MBD5: variants seen among roughly 807,000 people sequenced by gnomAD.
MBD5 encodes methyl-CpG-binding domain protein 5.
MBD5 carries 13 observed loss-of-function variants against 117.3 expected under a neutral mutation model. That is an observed-to-expected ratio of 0.11 (90% CI 0.07 to 0.18). MBD5 has a LOEUF of 0.18. MBD5 is among the 10% of genes least tolerant of loss of function. MBD5 has a pLI of 1.00. For synonymous variants in MBD5, 727 were observed against 766.4 expected, an observed-to-expected ratio of 0.95 and a Z score of 0.85; for missense variants, 1,879 against 2,093.8, an observed-to-expected ratio of 0.90 and a Z score of 2.00.
chr2:148,152,782 C>G (rs1307732216), intron 1 of MBD5, among the ~76,000 whole-genome samples: 4 of 150,296 alleles, frequency 2.7e-5, no homozygotes, highest in Non-Finnish European at 5.9e-5. Flanking sequence ...TTTTGTTTTC[C>G]ATTTGCTTGG....
intron 1 of MBD5, among the ~76,000 whole-genome samples, chr2:148,052,498 C>G (rs945253928): frequency 6.6e-6 from 1 of 152,104 alleles, no homozygotes; most frequent in South Asian, 2.1e-4. Context: ...GCCTGAGACA[C>G]CATGCCCAGC....
chr2:148,483,914 C>A lies in MBD5; in HGVS notation c.3323C>A (p.Ser1108Tyr). 8 of 1,550,550 alleles carry A rather than the reference C, an allele frequency of 5.2e-6. No homozygotes were observed. Among genetic ancestry groups the A allele is most frequent in the Non-Finnish European group, 6.1e-6 (7 of 1,146,970 alleles). The change falls in exon 9 of 14, where the codon TCC becomes TAC. Residue 1108 changes from serine to tyrosine, a missense_variant. Ser to Tyr is a moderately radical substitution (Grantham distance 144). This residue lies in a region of MBD5 where 1,666 missense variants were observed against 1,792.2 expected (regional missense o/e 0.93). Transcript: ENST00000642680. ...AACACCGCTAATCATCCAGAGGTTTCCATAGCAACCTCCTCCCAGGCAACC... is the reference window on the plus strand; with the variant it reads ...AACACCGCTAATCATCCAGAGGTTTACATAGCAACCTCCTCCCAGGCAACC... ...SANTANHPEV[S>Y]IATSSQATTT... is the part of the protein sequence containing the mutation.
chr2:148,422,602 T>A (rs1705644729), intron 4 of MBD5, among the ~76,000 whole-genome samples: 1 of 152,094 alleles, frequency 6.6e-6, no homozygotes, highest in Non-Finnish European at 1.5e-5. Flanking sequence ...ATTGACAGAG[T>A]TGGCTTCAGA....
chr2:148,350,598 T>C (rs1703227039), intron 4 of MBD5, among the ~76,000 whole-genome samples: 1 of 152,040 alleles, frequency 6.6e-6, no homozygotes, highest in African/African-American at 2.4e-5. Context: ...AAGTTTAGAA[T>C]GCAATGGTCT....
rs149199256 is a variant in MBD5, at chr2:148,392,688, C to G, written c.-557+50352C>G. On this transcript the variant is annotated intron_variant, in intron 4 of 13. Coordinates refer to ENST00000642680, the MANE Select transcript of MBD5 (RefSeq NM_001378120.1). ...AAACCAATGAGAGCCAGCCTCAGCT[C>G]TGGCTCTGTGCTAAAAGGCCTTCCC... Among the ~76,000 whole-genome samples, 342 of 152,292 alleles carry G rather than the reference C, an allele frequency of 2.2e-3. 2 individuals are homozygous for G. The highest frequency in any genetic ancestry group is 7.9e-3 in the African/African-American group (330 of 41,574).
chr2:148,238,638 T>A (rs1700142398), intron 3 of MBD5, among the ~76,000 whole-genome samples: 3 of 152,328 alleles, frequency 2.0e-5, no homozygotes, highest in Non-Finnish European at 2.9e-5. Context: ...CTCTCACAGT[T>A]CTGGAGGCTA....
At chr2:148,131,000 C>T (rs1427621631) in intron 1 of MBD5, among the ~76,000 whole-genome samples, 2 of 151,986 alleles carry the variant, frequency 1.3e-5, no homozygotes, top group South Asian at 2.1e-4. Context: ...CCTGATAATA[C>T]GAGATGAAAG....
chr2:148,259,732 A>T (rs1395455790), intron 3 of MBD5, among the ~76,000 whole-genome samples: 2 of 152,178 alleles, frequency 1.3e-5, no homozygotes, highest in African/African-American at 4.8e-5. Flanking sequence ...GCCAAGCATG[A>T]GCTCACATAG....
intron 2 of MBD5, among the ~76,000 whole-genome samples, chr2:148,204,165 G>A (rs1699216597): frequency 6.6e-6 from 1 of 152,106 alleles, no homozygotes; most frequent in South Asian, 2.1e-4. Flanking sequence ...AAGACATCAT[G>A]AAACAATAGT....
At chr2:148,261,416 C>T (rs1700729904) in intron 3 of MBD5, among the ~76,000 whole-genome samples, 1 of 152,210 alleles carries the variant, frequency 6.6e-6, no homozygotes, top group South Asian at 2.1e-4. Flanking sequence ...CTTACTGCTT[C>T]ACTTCGCACT....
rs187595552 is a variant in MBD5, at chr2:148,399,520, C to T, written c.-557+57184C>T. ...ATGGATTTTGTATCCTGAGACTTTG[C>T]TGAAGATGCCTATCAGCTTAAGGAG... On this transcript the variant is annotated intron_variant, in intron 4 of 13. Coordinates refer to ENST00000642680, the MANE Select transcript of MBD5 (RefSeq NM_001378120.1). Among the ~76,000 whole-genome samples, 557 of 152,284 alleles carry T rather than the reference C, an allele frequency of 3.7e-3. 5 individuals are homozygous for T. The highest frequency in any genetic ancestry group is 0.012 in the African/African-American group (519 of 41,558).
At chr2:148,444,269 G>C (rs893786821) in intron 4 of MBD5, among the ~76,000 whole-genome samples, 10 of 150,786 alleles carry the variant, frequency 6.6e-5, no homozygotes, top group African/African-American at 2.5e-4. Context: ...TTTCTCGCCC[G>C]TGTGTTGCTC....
Position 148,466,925 on chromosome 2 carries a change from T to C in MBD5, c.398-1416T>C, listed in dbSNP as rs187586427. ...TTGTTATGATATGATTTGACCTGTA[T>C]AGTGTCTAGCAGATAGGAAAAATAT... On this transcript the variant is annotated intron_variant, in intron 7 of 13. Coordinates refer to ENST00000642680, the MANE Select transcript of MBD5 (RefSeq NM_001378120.1). 2.1e-3 allele frequency among the ~76,000 whole-genome samples: 317 copies of C among 152,310 alleles called. 2 individuals carry two copies. The highest frequency in any genetic ancestry group is 5.0e-3 in the Admixed American group (77 of 15,276).
chr2:148,389,867 C>T (rs977811921), intron 4 of MBD5, among the ~76,000 whole-genome samples: 1 of 152,124 alleles, frequency 6.6e-6, no homozygotes, highest in South Asian at 2.1e-4. Flanking sequence ...CAAATATTTT[C>T]TCCCATTCTG....
chr2:148,516,255 C>T lies in MBD5; in HGVS notation c.*3314C>T, dbSNP rs1682342143. 1 of 152,182 alleles carries T rather than the reference C, an allele frequency of 6.6e-6. No homozygotes were observed. Among genetic ancestry groups the T allele is most frequent in the South Asian group, 2.1e-4 (1 of 4,824 alleles). 9.4% of individuals were successfully genotyped at this position (152,182 alleles called of 1,614,324 possible). ...TCTTCCATGCAGTTTGCAGTGTTCC[C>T]TTGCAAGTCACAAGCATATATGCAT... On this transcript the variant is annotated 3_prime_UTR_variant, in exon 14 of 14. Coordinates refer to ENST00000642680, the MANE Select transcript of MBD5 (RefSeq NM_001378120.1).
intron 4 of MBD5, among the ~76,000 whole-genome samples, chr2:148,428,171 A>T (rs910197211): frequency 6.6e-6 from 1 of 152,222 alleles, no homozygotes; most frequent in Non-Finnish European, 1.5e-5. Context: ...ATCAATGTGC[A>T]AAAATCACAA....
intron 10 of MBD5, 70 bp downstream of exon 10, chr2:148,486,020 G>C: frequency 6.7e-7 from 1 of 1,485,228 alleles, no homozygotes; most frequent in Non-Finnish European, 9.4e-7. Flanking sequence ...TAATTTGGGG[G>C]AAAGGGTGAA....
rs573863161 is a variant in MBD5, at chr2:148,511,765, T to C, written c.5113-1105T>C. Among the ~76,000 whole-genome samples the C allele has an allele frequency of 1.3e-4, 20 of 152,324 alleles. 1 individual carries two copies. The South Asian group carries it at 3.7e-3, about 28-fold the overall frequency. ...GAATAGTTGTTTTAAAAAATGTGTA[T>C]GGAGAAGATTAGGAGGAATAGGCAG... On this transcript the variant is annotated intron_variant, in intron 13 of 13. Transcript: ENST00000642680.
intron 4 of MBD5, among the ~76,000 whole-genome samples, chr2:148,457,026 TTTG>T (rs1459251001): frequency 6.6e-6 from 1 of 152,200 alleles, no homozygotes; most frequent in East Asian, 1.9e-4. Flanking sequence ...CACTGTTTAA[TTTG>T]TTACTTGATT....
Sources: allele counts gnomAD v4.1 joint callset (sites outside exome capture counted in the v4.1 genomes callset), GRCh38; gene constraint gnomAD v4.1.1; regional missense constraint gnomAD v4.1.1; transcripts MANE v1.5; gene names NCBI Gene and HGNC (gene_info 2026-07-23, HGNC 2026-07-21).